The following IMMT variants were observed in gnomAD, a reference collection of about 807,000 sequenced individuals.
The protein encoded by IMMT is inner membrane mitochondrial protein.
Under a neutral mutation model 92.7 loss-of-function variants are expected in IMMT, and 40 were observed. The ratio of observed to expected loss-of-function variants is 0.43; its 90% CI spans 0.34 to 0.56. IMMT has a LOEUF of 0.56. Ranked by LOEUF, IMMT falls within the 20% of genes least tolerant of loss-of-function variation. The probability of loss-of-function intolerance (pLI) is 0.03; values close to 1 mark genes in which losing one functional copy is unlikely to be tolerated. For missense variants in IMMT, 831 were observed against 912.1 expected (o/e 0.91, Z 1.14); for synonymous variants, 322 against 336.1 (o/e 0.96, Z 0.46).
chr2:86,175,834 C>T (rs572259508), intron 3 of IMMT, among the ~76,000 whole-genome samples: 22 of 151,626 alleles, frequency 1.5e-4, no homozygotes, highest in Admixed American at 6.6e-4. Context: ...CATTAATAAG[C>T]GAAGGAAAGG....
chr2:86,171,047 A>G (rs949294019), intron 5 of IMMT, among the ~76,000 whole-genome samples, 161 bp downstream of exon 5: 14 of 152,252 alleles, frequency 9.2e-5, no homozygotes, highest in African/African-American at 3.4e-4. Flanking sequence ...TCTTGTTTAA[A>G]AAGATACATT....
At chr2:86,169,829 A>G (rs1241065786) in intron 6 of IMMT, among the ~76,000 whole-genome samples, 1 of 152,020 alleles carries the variant, frequency 6.6e-6, no homozygotes, top group Non-Finnish European at 1.5e-5. Flanking sequence ...AGGTGGGAGG[A>G]TTTCTTGAGG....
chr2:86,147,145 T>C (rs1675080265), intron 13 of IMMT, among the ~76,000 whole-genome samples: 1 of 152,310 alleles, frequency 6.6e-6, no homozygotes, highest in Non-Finnish European at 1.5e-5. Context: ...TAATATCTTG[T>C]ATTTAAGAGC....
intron 8 of IMMT, among the ~76,000 whole-genome samples, chr2:86,161,040 G>A (rs908264506): frequency 6.6e-6 from 1 of 150,596 alleles, no homozygotes; most frequent in Admixed American, 6.6e-5. Flanking sequence ...TGAGGCTATA[G>A]TGAGCCCTGA....
At chr2:86,170,415 C>T (rs1332485003) in intron 6 of IMMT, among the ~76,000 whole-genome samples, 1 of 152,048 alleles carries the variant, frequency 6.6e-6, no homozygotes, top group Admixed American at 6.6e-5. Flanking sequence ...AAGAGCCTAT[C>T]TCAAAAAAAT....
intron 1 of IMMT, among the ~76,000 whole-genome samples, chr2:86,183,237 C>T (rs537458546): frequency 6.6e-6 from 1 of 152,236 alleles, no homozygotes; most frequent in African/African-American, 2.4e-5. Context: ...TAACTGACTC[C>T]AGGAAATCAG....
intron 12 of IMMT, among the ~76,000 whole-genome samples, chr2:86,149,284 CAT>C (rs1229357561): frequency 1.3e-5 from 2 of 152,110 alleles, no homozygotes; most frequent in Non-Finnish European, 2.9e-5. Flanking sequence ...GCAGAGAAAA[CAT>C]AAAGGTCCCA....
intron 1 of IMMT, among the ~76,000 whole-genome samples, chr2:86,186,476 A>G (rs1672779191): frequency 6.6e-6 from 1 of 152,232 alleles, no homozygotes; most frequent in East Asian, 1.9e-4. Flanking sequence ...AGTGAAAGTG[A>G]TGCTCTGTAA....
At chr2:86,156,593 C>CAA (rs57252871) in intron 10 of IMMT, among the ~76,000 whole-genome samples, 566 of 44,362 alleles carry the variant, frequency 0.013, 14 homozygotes, top group Middle Eastern at 0.054. Context: ...GACTCCATCT[C>CAA]AAAAAAAAAA....
In IMMT at chr2:86,158,721, C is replaced by A. The variant is rs1251528642; in HGVS notation, c.1033G>T (p.Val345Phe). ...TTAGCCTCAGACTGAGCTGCTTGGACCTGAGCAAATACACAGGGTATGTGA... is the reference window on the plus strand; with the variant it reads ...TTAGCCTCAGACTGAGCTGCTTGGAACTGAGCAAATACACAGGGTATGTGA... Reference protein sequence around the residue: ...IVDLDNVVKKVQAAQSEAKVV... With the variant: ...IVDLDNVVKKFQAAQSEAKVV... The change falls in exon 10 of 15, where the codon GTC (valine) becomes TTC (phenylalanine). Residue 345 changes from valine to phenylalanine, a missense_variant and splice_region_variant. Val to Phe is a conservative substitution (Grantham distance 50). Transcript: ENST00000410111. 1 of 1,602,244 alleles carries A rather than the reference C, an allele frequency of 6.2e-7. No individual in the cohort carries two copies.
chr2:86,151,832 T>A (rs1573882905), intron 11 of IMMT, among the ~76,000 whole-genome samples: 1 of 152,252 alleles, frequency 6.6e-6, no homozygotes, highest in South Asian at 2.1e-4. Flanking sequence ...ACAAAACTTA[T>A]ATATACAATC....
chr2:86,195,415 C>A lies in IMMT; in HGVS notation c.-33G>T, dbSNP rs750141524. ...AAGCGGACGGCGCTGCTGGTGGACT[C>A]GAGCTGCCGCGGCGGCGCGAGTTAA... is the stretch of plus-strand genomic sequence containing the variant. On this transcript the variant is annotated 5_prime_UTR_variant, in exon 1 of 15. Coordinates refer to ENST00000410111, the MANE Select transcript of IMMT (RefSeq NM_006839.3). 3.8e-5 allele frequency: 58 copies of A among 1,543,020 alleles called. 1 individual carries two copies. The South Asian group carries it at 5.3e-4, about 14-fold the overall frequency.
intron 3 of IMMT, among the ~76,000 whole-genome samples, chr2:86,174,129 C>G (rs1677277402): frequency 6.6e-6 from 1 of 152,154 alleles, no homozygotes; most frequent in Admixed American, 6.5e-5. Flanking sequence ...TGTATACATT[C>G]AGTTAGAAGC....
At chr2:86,149,512 G>A (rs1428549334) in intron 12 of IMMT, among the ~76,000 whole-genome samples, 1 of 152,162 alleles carries the variant, frequency 6.6e-6, no homozygotes, top group Non-Finnish European at 1.5e-5. Flanking sequence ...ACAGAAAGAA[G>A]GGTATGAAGA....
At chr2:86,161,287 G>A (rs189027459) in intron 8 of IMMT, among the ~76,000 whole-genome samples, 1 of 151,714 alleles carries the variant, frequency 6.6e-6, no homozygotes, top group African/African-American at 2.4e-5. Flanking sequence ...TCAGCCTCCC[G>A]AGTCGCTGGG....
At chr2:86,164,052 A>ATTTTTT (rs540613367) in intron 7 of IMMT, among the ~76,000 whole-genome samples, 1,021 of 63,056 alleles carry the variant, frequency 0.016, 92 homozygotes, top group Non-Finnish European at 0.021. Flanking sequence ...CACTTTAGTC[A>ATTTTTT]TTTTTTTTTT....
At chr2:86,153,861 ATTTTTTGT>A (rs1247821406) in intron 10 of IMMT, among the ~76,000 whole-genome samples, 3 of 151,548 alleles carry the variant, frequency 2.0e-5, no homozygotes, top group East Asian at 2.0e-4. Context: ...ATCAACTTAA[ATTTTTTGT>A]TTTTTTGTTT....
At chr2:86,189,223 T>A (rs1672973361) in intron 1 of IMMT, among the ~76,000 whole-genome samples, 1 of 152,034 alleles carries the variant, frequency 6.6e-6, no homozygotes. Context: ...AGGAAACATA[T>A]AATTCCCATG....
intron 7 of IMMT, among the ~76,000 whole-genome samples, chr2:86,162,638 G>T (rs1322339747): frequency 6.6e-6 from 1 of 152,076 alleles, no homozygotes; most frequent in Non-Finnish European, 1.5e-5. Flanking sequence ...GAGGTCAAGA[G>T]ATCAAGACCA....
Sources: gnomAD v4.1 joint callset for allele counts (sites outside exome capture counted in the v4.1 genomes callset) on GRCh38, gnomAD v4.1.1 for gene constraint, MANE v1.5 for transcripts, NCBI Gene and HGNC (gene_info 2026-07-23, HGNC 2026-07-21) for gene names.